The following OSBPL9 variants were observed in gnomAD, a reference collection of about 807,000 sequenced individuals.
OSBPL9 encodes oxysterol-binding protein-related protein 9.
A neutral mutation model predicts 106.6 loss-of-function variants in OSBPL9; 40 were observed. The ratio of observed to expected loss-of-function variants is 0.38; its 90% CI spans 0.29 to 0.49. The LOEUF (loss-of-function observed/expected upper bound fraction) is 0.49, where lower values mean the gene tolerates loss of function less well. OSBPL9 is among the 20% of genes least tolerant of loss of function. The pLI is 0.97. For missense variants in OSBPL9, 609 were observed against 887.2 expected (o/e 0.69, Z 3.98); for synonymous variants, 269 against 295.4 (o/e 0.91, Z 0.92).
intron 1 of OSBPL9, chr1:51,594,744 CTT>C (rs1221558238): frequency 1.3e-5 from 2 of 152,290 alleles, no homozygotes; most frequent in Non-Finnish European, 2.9e-5. Flanking sequence ...CAGCTGTAGT[CTT>C]TCTCTCTCTA....
At chr1:51,548,630 T>G in the OSBPL9 span, among the ~76,000 whole-genome samples, 7 of 152,162 alleles carry the variant, frequency 4.6e-5, no homozygotes, top group Non-Finnish European at 1.0e-4. Flanking sequence ...GCTCAAGTGA[T>G]CCTCCTGCCT....
intron 3 of OSBPL9, among the ~76,000 whole-genome samples, chr1:51,703,302 T>C (rs1571187925): frequency 6.6e-6 from 1 of 152,346 alleles, no homozygotes; most frequent in East Asian, 1.9e-4. Context: ...TTTCTTTGTA[T>C]CCTCTTTTAT....
At chr1:51,724,195 C>T (rs1202619181) in intron 4 of OSBPL9, among the ~76,000 whole-genome samples, 1 of 152,182 alleles carries the variant, frequency 6.6e-6, no homozygotes, top group Non-Finnish European at 1.5e-5. Context: ...ATTCACCCAC[C>T]TCAATCTCCC....
chr1:51,719,588 A>G (rs761120275), intron 4 of OSBPL9, among the ~76,000 whole-genome samples: 2 of 152,164 alleles, frequency 1.3e-5, no homozygotes, highest in African/African-American at 2.4e-5. Context: ...AATATGAGTT[A>G]TAGCAGCTTG....
the OSBPL9 span, among the ~76,000 whole-genome samples, chr1:51,543,173 A>G: frequency 1.3e-5 from 2 of 152,240 alleles, no homozygotes; most frequent in Non-Finnish European, 2.9e-5. Context: ...AATTTATTGT[A>G]TCTCAGAGAT....
chr1:51,640,903 C>T (rs776005195), intron 1 of OSBPL9, among the ~76,000 whole-genome samples: 1 of 151,598 alleles, frequency 6.6e-6, no homozygotes. Flanking sequence ...TCCACCGCAG[C>T]CCCCTGAGTA....
At chr1:51,757,058 A>G (rs1205213055) in intron 9 of OSBPL9, 1 of 152,170 alleles carries the variant, frequency 6.6e-6, no homozygotes, top group African/African-American at 2.4e-5. Context: ...GTATTCCTGA[A>G]GCAGGAGGCA....
chr1:51,561,870 C>G, the OSBPL9 span: 1 of 152,188 alleles, frequency 6.6e-6, no homozygotes, highest in Non-Finnish European at 1.5e-5. Flanking sequence ...CTCAGTGGCT[C>G]TGAGCTCAGA....
chr1:51,589,664 T>A (rs1248304730), intron 1 of OSBPL9, among the ~76,000 whole-genome samples: 1 of 151,952 alleles, frequency 6.6e-6, no homozygotes, highest in Non-Finnish European at 1.5e-5. Flanking sequence ...GCAAAGGCCC[T>A]GAGATGGGGT....
chr1:51,552,732 C>G, the OSBPL9 span, among the ~76,000 whole-genome samples: 1 of 152,052 alleles, frequency 6.6e-6, no homozygotes, highest in African/African-American at 2.4e-5. Flanking sequence ...TCAAGTGATT[C>G]TCCTGTCTCA....
Position 51,784,193 on chromosome 1 carries a change from A to G in OSBPL9, c.1625-71A>G, listed in dbSNP as rs553889549. Reference sequence around the variant, plus strand: ...TTGAATGGAGTATCCTGGAGTAACCATCAGCTCGACAAGAAAGCCTTGTGG... The same window carrying G: ...TTGAATGGAGTATCCTGGAGTAACCGTCAGCTCGACAAGAAAGCCTTGTGG... On this transcript the variant is annotated intron_variant, in intron 18 of 23. Coordinates refer to ENST00000428468, the MANE Select transcript of OSBPL9 (RefSeq NM_024586.6). 4.0e-5 allele frequency: 61 copies of G among 1,517,230 alleles called. No homozygotes were observed. In the African/African-American group the frequency reaches 6.2e-4, roughly 15 times the overall value. 94.0% of individuals were successfully genotyped at this position (1,517,230 alleles called of 1,614,324 possible).
chr1:51,712,373 A>T (rs944846901), intron 3 of OSBPL9, among the ~76,000 whole-genome samples: 2 of 152,154 alleles, frequency 1.3e-5, no homozygotes, highest in Non-Finnish European at 2.9e-5. Context: ...CTTCGGCTCC[A>T]CATGAGAGGG....
chr1:51,562,183 G>C, the OSBPL9 span: 1 of 152,228 alleles, frequency 6.6e-6, no homozygotes, highest in African/African-American at 2.4e-5. Context: ...GTGAGGCCTG[G>C]TGGGAGGTGA....
chr1:51,635,026 A>G (rs1225382563), intron 1 of OSBPL9, among the ~76,000 whole-genome samples: 1 of 152,188 alleles, frequency 6.6e-6, no homozygotes, highest in Non-Finnish European at 1.5e-5. Context: ...GGGAGCTACA[A>G]TTCAAGATGA....
chr1:51,700,722 G>A (rs1657041622), intron 3 of OSBPL9, among the ~76,000 whole-genome samples: 2 of 152,158 alleles, frequency 1.3e-5, no homozygotes, highest in Admixed American at 6.5e-5. Context: ...TTAAGATAGT[G>A]TACCAGATTT....
At chr1:51,619,539 A>G (rs1047149419) in intron 1 of OSBPL9, among the ~76,000 whole-genome samples, 1 of 152,152 alleles carries the variant, frequency 6.6e-6, no homozygotes, top group Non-Finnish European at 1.5e-5. Context: ...GAAGTATCAT[A>G]TTTCTCACTA....
intron 2 of OSBPL9, among the ~76,000 whole-genome samples, chr1:51,601,198 A>G (rs1175028505): frequency 2.0e-5 from 3 of 152,260 alleles, no homozygotes; most frequent in East Asian, 1.9e-4. Context: ...TCCTCTGCAG[A>G]TTTAATTACA....
intron 4 of OSBPL9, chr1:51,745,313 A>G (rs1344887138): frequency 5.9e-6 from 3 of 511,174 alleles, no homozygotes; most frequent in African/African-American, 2.0e-5. Context: ...GAGCAGCAGC[A>G]TGTGTAACTG....
intron 1 of OSBPL9, among the ~76,000 whole-genome samples, chr1:51,618,487 C>G (rs1041535271): frequency 1.3e-5 from 2 of 151,966 alleles, no homozygotes; most frequent in South Asian, 4.2e-4. Flanking sequence ...ATAGAATGCC[C>G]AGAAAGCTTT....
Sources: gnomAD v4.1 joint callset for allele counts (sites outside exome capture counted in the v4.1 genomes callset) on GRCh38, gnomAD v4.1.1 for gene constraint, MANE v1.5 for transcripts, NCBI Gene and HGNC (gene_info 2026-07-23, HGNC 2026-07-21) for gene names.